Variants in TLN2 observed in about 807,000 individuals in gnomAD.
The protein encoded by TLN2 is talin 2.
A neutral mutation model predicts 294.7 loss-of-function variants in TLN2; 118 were observed. That is an observed-to-expected ratio of 0.40 (90% confidence interval 0.34 to 0.47). The LOEUF (loss-of-function observed/expected upper bound fraction) is 0.47. Ranked by LOEUF, TLN2 falls within the 20% of genes least tolerant of loss-of-function variation. The pLI is 0.84. For synonymous variants in TLN2, 1,431 were observed against 1,304.5 expected, an observed-to-expected ratio of 1.10 and a Z score of -2.09; for missense variants, 3,083 against 3,282.2, an observed-to-expected ratio of 0.94 and a Z score of 1.48.
intron 41 of TLN2, among the ~76,000 whole-genome samples, chr15:62,767,014 G>A (rs978597339): frequency 2.0e-5 from 3 of 152,160 alleles, no homozygotes; most frequent in Non-Finnish European, 2.9e-5. Flanking sequence ...TTCAAGGACG[G>A]TTGGCTTGTT....
intron 2 of TLN2, among the ~76,000 whole-genome samples, chr15:62,606,630 G>A (rs1053940789): frequency 6.6e-6 from 1 of 152,106 alleles, no homozygotes; most frequent in African/African-American, 2.4e-5. Flanking sequence ...CAGTATTGCT[G>A]GCTGACTTCC....
At chr15:62,618,927 C>T (rs139686420) in intron 3 of TLN2, among the ~76,000 whole-genome samples, 2 of 152,232 alleles carry the variant, frequency 1.3e-5, no homozygotes, top group African/African-American at 4.8e-5. Flanking sequence ...ACTAAACTCA[C>T]ACCATATAAA....
chr15:62,463,310 A>T (rs1238862855), intron 1 of TLN2, among the ~76,000 whole-genome samples: 1 of 152,162 alleles, frequency 6.6e-6, no homozygotes, highest in Non-Finnish European at 1.5e-5. Flanking sequence ...GTCAAACTGC[A>T]GTTCTGTGTT....
intron 9 of TLN2, chr15:62,658,102 G>C: frequency 5.5e-6 from 2 of 366,878 alleles, no homozygotes; most frequent in Non-Finnish European, 9.7e-6. Context: ...TTGCTGAATA[G>C]AAATTCAGTG....
intron 1 of TLN2, among the ~76,000 whole-genome samples, chr15:62,489,864 C>CATGTGA (rs2038612332): frequency 6.6e-6 from 1 of 152,202 alleles, no homozygotes; most frequent in Non-Finnish European, 1.5e-5. Flanking sequence ...TTGTCAACAG[C>CATGTGA]CATGTGAGTA....
At chr15:62,805,529 G>T in intron 50 of TLN2, 71 bp from the exon 51 acceptor site, 1 of 1,455,996 alleles carries the variant, frequency 6.9e-7, no homozygotes, top group Non-Finnish European at 9.1e-7. Flanking sequence ...CTACAGCCTG[G>T]TTGGAGAAGA....
At chr15:62,820,736 A>G in intron 54 of TLN2, 126 bp downstream of exon 54, 2 of 1,278,064 alleles carry the variant, frequency 1.6e-6, no homozygotes, top group Non-Finnish European at 2.1e-6. Flanking sequence ...GCAAGCAGAA[A>G]ACCGGATCTA....
intron 1 of TLN2, among the ~76,000 whole-genome samples, chr15:62,393,922 C>T (rs1280966100): frequency 2.6e-5 from 4 of 150,968 alleles, no homozygotes; most frequent in East Asian, 3.9e-4. Context: ...ACTGCAGGCA[C>T]GCACCACCAT....
intron 16 of TLN2, among the ~76,000 whole-genome samples, chr15:62,700,084 A>G (rs2058620958): frequency 6.6e-6 from 1 of 152,160 alleles, no homozygotes; most frequent in Non-Finnish European, 1.5e-5. Context: ...ACTCAGCGCC[A>G]TTTCTCCCAG....
rs759499881 is a variant in TLN2 at position 62,701,174 on chromosome 15, T to C, written c.1656T>C (p.Ala552=). Residue 552 remains alanine, a synonymous_variant, in exon 17 of 59, where the codon GCT becomes GCC. Coordinates refer to ENST00000636159, the MANE Select transcript of TLN2 (RefSeq NM_015059.3). ...ACGAAATCCATTCTCAAGTTGATGC[T>C]ATCACGGCCGGAACGGCTTCAGTTG... ...SKHEIHSQVD[A]ITAGTASVVN... is the part of the protein sequence containing the mutation. 2 of 1,614,172 alleles carry C rather than the reference T, an allele frequency of 1.2e-6. No homozygotes were observed. The highest frequency in any genetic ancestry group is 1.7e-6 in the Non-Finnish European group (2 of 1,180,034).
intron 1 of TLN2, among the ~76,000 whole-genome samples, chr15:62,588,109 T>C (rs1221445635): frequency 1.3e-5 from 2 of 152,108 alleles, no homozygotes; most frequent in Non-Finnish European, 2.9e-5. Flanking sequence ...CTCGATATCC[T>C]GACCTCGTGA....
intron 3 of TLN2, among the ~76,000 whole-genome samples, chr15:62,625,109 G>A (rs562704152): frequency 1.5e-4 from 23 of 152,282 alleles, no homozygotes; most frequent in African/African-American, 5.3e-4. Context: ...GTATTGGTGG[G>A]GGAAGTAGCG....
intron 1 of TLN2, among the ~76,000 whole-genome samples, chr15:62,563,854 C>T (rs1023563198): frequency 1.3e-5 from 2 of 152,110 alleles, no homozygotes; most frequent in African/African-American, 2.4e-5. Context: ...GGTGAAAGCC[C>T]CCAGTGTGCA....
At chr15:62,640,283 A>G (rs748013897) in intron 3 of TLN2, 2 of 456,042 alleles carry the variant, frequency 4.4e-6, no homozygotes, top group South Asian at 3.1e-5. Flanking sequence ...AGATGTAGAC[A>G]CAGATGAATT....
At chr15:62,597,289 C>G (rs1339475834) in intron 2 of TLN2, among the ~76,000 whole-genome samples, 1 of 152,146 alleles carries the variant, frequency 6.6e-6, no homozygotes, top group Non-Finnish European at 1.5e-5. Context: ...TCTCTAGATT[C>G]TGAATGTTAA....
At chr15:62,693,578 G>T (rs1436432099) in intron 13 of TLN2, among the ~76,000 whole-genome samples, 1 of 146,270 alleles carries the variant, frequency 6.8e-6, no homozygotes, top group African/African-American at 2.5e-5. Flanking sequence ...GGATTGAGGG[G>T]CCAAAAATGA....
chr15:62,738,607 T>C (rs1026639578), intron 30 of TLN2, among the ~76,000 whole-genome samples: 1 of 152,206 alleles, frequency 6.6e-6, no homozygotes, highest in Non-Finnish European at 1.5e-5. Context: ...ATCACCTGTC[T>C]TCTCATCAGG....
intron 1 of TLN2, among the ~76,000 whole-genome samples, chr15:62,471,024 C>A (rs1016832890): frequency 6.6e-6 from 1 of 152,124 alleles, no homozygotes; most frequent in African/African-American, 2.4e-5. Context: ...CTGTTTTGCT[C>A]CAAACTGGGG....
Position 62,842,153 on chromosome 15 carries a change from T to G in TLN2, c.*1543T>G, listed in dbSNP as rs1223865622. ...CATGGTTTTAAAATACATAAACTTCTGACAGCTTCCCATATTTATAAGTTA... is the reference window on the plus strand; with the variant it reads ...CATGGTTTTAAAATACATAAACTTCGGACAGCTTCCCATATTTATAAGTTA... On this transcript the variant is annotated 3_prime_UTR_variant, in exon 59 of 59. Coordinates refer to ENST00000636159, the MANE Select transcript of TLN2 (RefSeq NM_015059.3). The G allele has an allele frequency of 6.6e-6, 1 of 152,206 alleles. No individual in the cohort carries two copies. Among genetic ancestry groups the G allele is most frequent in the Non-Finnish European group, 1.5e-5 (1 of 68,050 alleles). 9.4% of individuals were successfully genotyped at this position (152,206 alleles called of 1,614,324 possible).
Sources: gnomAD v4.1 joint callset for allele counts (sites outside exome capture counted in the v4.1 genomes callset) on GRCh38, gnomAD v4.1.1 for gene constraint, MANE v1.5 for transcripts, NCBI Gene and HGNC (gene_info 2026-07-23, HGNC 2026-07-21) for gene names.